The following LRRFIP1 variants were observed in gnomAD, a reference collection of about 807,000 sequenced individuals.
The protein encoded by LRRFIP1 is LRR binding FLII interacting protein 1, also known as leucine-rich repeat flightless-interacting protein 1.
In LRRFIP1, 62 loss-of-function variants were observed where a neutral mutation model predicts 104.4. The ratio of observed to expected loss-of-function variants is 0.59; its 90% CI spans 0.48 to 0.73. The LOEUF is 0.73. LRRFIP1 is among the 30% of genes least tolerant of loss of function. LRRFIP1 has a pLI of 0.00. For synonymous variants in LRRFIP1, 300 were observed against 299.0 expected, an observed-to-expected ratio of 1.00 and a Z score of -0.03; for missense variants, 796 against 824.5, an observed-to-expected ratio of 0.97 and a Z score of 0.42.
chr2:237,681,199 A>G (rs2091772983), intron 1 of LRRFIP1, among the ~76,000 whole-genome samples: 1 of 152,172 alleles, frequency 6.6e-6, no homozygotes, highest in African/African-American at 2.4e-5. Context: ...AATAAAGTCC[A>G]AGTTCCTTAA....
Position 237,753,317 on chromosome 2 carries a change from A to T in LRRFIP1, c.876A>T (p.Leu292=), listed in dbSNP as rs762377775. 1 of 1,583,642 alleles carries T rather than the reference A, an allele frequency of 6.3e-7. No homozygotes were observed. Among genetic ancestry groups the T allele is most frequent in the East Asian group, 2.3e-5 (1 of 43,946 alleles). Residue 292 remains leucine, a synonymous_variant, in exon 15 of 24, where the codon CTA becomes CTT. Coordinates refer to ENST00000308482, the MANE Select transcript of LRRFIP1 (RefSeq NM_001137550.2). ...MQGLKEMKDS[L]AEVEEKYKKA... ...TGACCTGCTTTCCACAGGACTCTCT[A>T]GCAGAAGTTGAAGAGAAATATAAGA... is the stretch of plus-strand genomic sequence containing the variant.
chr2:237,748,001 G>A (rs74645303), intron 11 of LRRFIP1, among the ~76,000 whole-genome samples: 4,809 of 152,070 alleles, frequency 0.032, 252 homozygotes, highest in African/African-American at 0.11. Flanking sequence ...CACCACTGCC[G>A]GCCTCTGCCT....
chr2:237,675,592 G>T (rs1000431275), intron 1 of LRRFIP1, among the ~76,000 whole-genome samples: 1 of 152,082 alleles, frequency 6.6e-6, no homozygotes, highest in Non-Finnish European at 1.5e-5. Flanking sequence ...AAACATAAAG[G>T]GTTTTCTTTC....
At chr2:237,743,604 C>T (rs1318749230) in intron 11 of LRRFIP1, among the ~76,000 whole-genome samples, 4 of 152,200 alleles carry the variant, frequency 2.6e-5, no homozygotes, top group Non-Finnish European at 5.9e-5. Flanking sequence ...TTATTTCACT[C>T]ATTCATTCAG....
chr2:237,758,811 A>G lies in LRRFIP1; in HGVS notation c.1307A>G (p.Glu436Gly). The G allele has an allele frequency of 6.2e-7, 1 of 1,610,256 alleles. No homozygotes were observed. Among genetic ancestry groups the G allele is most frequent in the Non-Finnish European group, 8.5e-7 (1 of 1,178,154 alleles). ...DLREEVVMLK[E>G]ELKKHGIILN... ...AGAGAAGAAGTAGTCATGCTGAAAG[A>G]GGAATTAAAGGTATGAAGCCAAACT... The change falls in exon 18 of 24, where the codon GAG (glutamate) becomes GGG (glycine). Residue 436 changes from glutamate (E) to glycine (G), a missense_variant. By Grantham distance (98) the Glu-to-Gly change is moderately conservative. Coordinates refer to ENST00000308482, the MANE Select transcript of LRRFIP1 (RefSeq NM_001137550.2).
At chr2:237,730,875 AC>A (rs1259883595) in intron 8 of LRRFIP1, among the ~76,000 whole-genome samples, 5 of 152,198 alleles carry the variant, frequency 3.3e-5, no homozygotes, top group Admixed American at 3.3e-4. Context: ...CCAAGATTGC[AC>A]CACTGCACTC....
At chr2:237,747,358 G>A (rs574760410) in intron 11 of LRRFIP1, among the ~76,000 whole-genome samples, 20 of 152,278 alleles carry the variant, frequency 1.3e-4, no homozygotes, top group African/African-American at 4.1e-4. Context: ...TGGTGGGACC[G>A]GATGGTGAGG....
intron 1 of LRRFIP1, among the ~76,000 whole-genome samples, chr2:237,695,119 G>A (rs982381823): frequency 2.0e-5 from 3 of 152,168 alleles, no homozygotes; most frequent in African/African-American, 4.8e-5. Context: ...GTGTGTTTTA[G>A]GCATGTCATT....
intron 1 of LRRFIP1, among the ~76,000 whole-genome samples, chr2:237,670,956 G>A (rs551681436): frequency 2.2e-4 from 33 of 152,280 alleles, no homozygotes; most frequent in African/African-American, 3.1e-4. Context: ...CACGGAGGTC[G>A]TGAAGATGAC....
At chr2:237,677,163 C>G (rs2091261090) in intron 1 of LRRFIP1, among the ~76,000 whole-genome samples, 1 of 152,204 alleles carries the variant, frequency 6.6e-6, no homozygotes, top group Non-Finnish European at 1.5e-5. Context: ...TCTTGCAGAA[C>G]TGAAACTCTG....
At chr2:237,679,292 G>A (rs1055380234) in intron 1 of LRRFIP1, among the ~76,000 whole-genome samples, 13 of 152,202 alleles carry the variant, frequency 8.5e-5, no homozygotes, top group African/African-American at 3.1e-4. Flanking sequence ...ACAAGGCTGA[G>A]TCCTGTACTG....
Position 237,703,460 on chromosome 2 carries a change from T to C in LRRFIP1, c.97-5084T>C, listed in dbSNP as rs1046982403. On this transcript the variant is annotated intron_variant, in intron 1 of 23. Transcript: ENST00000308482. The surrounding 1 kb of genome is among the most constrained non-coding windows in gnomAD (Gnocchi z 4.3). ...CTGTGTTCTTAAAACCCTTCAGTGG[T>C]TCTGAATTCTTTCAAGACGAGGTTC... Among the ~76,000 whole-genome samples the C allele has an allele frequency of 6.6e-6, 1 of 152,112 alleles. No individual in the cohort carries two copies. The highest frequency in any genetic ancestry group is 1.5e-5 in the Non-Finnish European group (1 of 68,026).
chr2:237,668,460 TC>T (rs2089843839), intron 1 of LRRFIP1, among the ~76,000 whole-genome samples: 1 of 152,150 alleles, frequency 6.6e-6, no homozygotes, highest in Non-Finnish European at 1.5e-5. Flanking sequence ...CGCCTTACCA[TC>T]CTTAATGACT....
intron 1 of LRRFIP1, among the ~76,000 whole-genome samples, chr2:237,630,099 C>G (rs182559897): frequency 1.3e-4 from 20 of 152,334 alleles, no homozygotes; most frequent in Admixed American, 3.9e-4. Context: ...GAGCTTCTTA[C>G]ACGCCCCTCC....
At chr2:237,688,441 C>CT (rs5839674) in intron 1 of LRRFIP1, among the ~76,000 whole-genome samples, 20 of 132,526 alleles carry the variant, frequency 1.5e-4, no homozygotes, top group East Asian at 6.7e-4. Context: ...GATGGACCCC[C>CT]TTTTTTTTTT....
At chr2:237,742,875 G>A (rs972434112) in intron 11 of LRRFIP1, among the ~76,000 whole-genome samples, 1 of 152,134 alleles carries the variant, frequency 6.6e-6, no homozygotes, top group African/African-American at 2.4e-5. Context: ...GGAGCAGGCA[G>A]TGCTCTGAGG....
intron 20 of LRRFIP1, among the ~76,000 whole-genome samples, chr2:237,771,560 C>T (rs1050982280): frequency 3.2e-5 from 3 of 93,108 alleles, no homozygotes; most frequent in African/African-American, 8.6e-5. Flanking sequence ...ATCCCCCCCC[C>T]CCCCCGCCCA....
chr2:237,712,721 A>T (rs1265583476), intron 2 of LRRFIP1, among the ~76,000 whole-genome samples: 1 of 152,100 alleles, frequency 6.6e-6, no homozygotes, highest in Non-Finnish European at 1.5e-5. Context: ...GAGTGAGTCG[A>T]GCTAGTGGGG....
intron 1 of LRRFIP1, among the ~76,000 whole-genome samples, chr2:237,646,008 T>G (rs1451024330): frequency 6.6e-6 from 1 of 151,944 alleles, no homozygotes; most frequent in South Asian, 2.1e-4. Flanking sequence ...CCGTGGGGAC[T>G]CTGGATAACA....
Sources: gnomAD v4.1 joint callset for allele counts (sites outside exome capture counted in the v4.1 genomes callset) on GRCh38, gnomAD v4.1.1 for gene constraint, Gnocchi (gnomAD v3.1) non-coding constraint, MANE v1.5 for transcripts, NCBI Gene and HGNC (gene_info 2026-07-23, HGNC 2026-07-21) for gene names.